C2orf49: variants seen among roughly 807,000 people sequenced by gnomAD.
C2orf49 encodes tRNA-splicing ligase complex subunit ASW.
C2orf49 carries 11 observed loss-of-function variants against 20.6 expected under a neutral mutation model. That is an observed-to-expected ratio of 0.53 (90% CI 0.34 to 0.88). The LOEUF is 0.88. C2orf49 is among the 40% of genes least tolerant of loss of function. The pLI is 0.02. For missense variants in C2orf49, 289 were observed against 274.2 expected (o/e 1.05, Z -0.38); for synonymous variants, 134 against 108.5 (o/e 1.24, Z -1.46).
chr2:105,368,533 T>C, the C2orf49 span, among the ~76,000 whole-genome samples: 1 of 152,148 alleles, frequency 6.6e-6, no homozygotes, highest in Non-Finnish European at 1.5e-5. Context: ...ATTTAGTAAT[T>C]GCCTAAACCT....
the C2orf49 span, among the ~76,000 whole-genome samples, chr2:105,370,523 G>T: frequency 4.6e-5 from 7 of 152,294 alleles, no homozygotes; most frequent in East Asian, 1.9e-4. Context: ...CAGCACTGGG[G>T]TTACTGATGG....
the C2orf49 span, among the ~76,000 whole-genome samples, chr2:105,379,159 G>A: frequency 6.6e-6 from 1 of 152,164 alleles, no homozygotes; most frequent in African/African-American, 2.4e-5. Flanking sequence ...ATCACCATTG[G>A]GAAGTAATTG....
the C2orf49 span, among the ~76,000 whole-genome samples, chr2:105,371,375 A>G: frequency 6.6e-6 from 1 of 152,098 alleles, no homozygotes; most frequent in Non-Finnish European, 1.5e-5. Context: ...AATTCTTCTC[A>G]AGACTGCAAT....
At position 105,342,938 on chromosome 2, in the gene C2orf49, G is replaced by A. The variant is rs774752002; in HGVS notation, c.357G>A (p.Glu119=). 2 of 1,614,194 alleles carry A rather than the reference G, an allele frequency of 1.2e-6. No homozygotes were observed. The highest frequency in any genetic ancestry group is 1.7e-6 in the Non-Finnish European group (2 of 1,180,040). Residue 119 remains glutamate, a synonymous_variant, in exon 3 of 4, where the codon GAG becomes GAA. Transcript: ENST00000258457. The part of the protein sequence containing the change: ...TSTSIKVKKT[E]NGDNDRLKPP... Reference sequence around the variant, plus strand: ...CAAGCATAAAAGTGAAAAAGACAGAGAATGGAGATAATGATCGACTGAAGC... The same window carrying A: ...CAAGCATAAAAGTGAAAAAGACAGAAAATGGAGATAATGATCGACTGAAGC...
downstream of C2orf49, among the ~76,000 whole-genome samples, chr2:105,352,242 A>G (rs1679951956): frequency 6.6e-6 from 1 of 152,142 alleles, no homozygotes; most frequent in Non-Finnish European, 1.5e-5. Context: ...AGATAGTTTC[A>G]CAGTTTTGTT....
the C2orf49 span, chr2:105,363,497 T>C: frequency 6.4e-7 from 1 of 1,574,268 alleles, no homozygotes; most frequent in African/African-American, 1.3e-5. Context: ...GGAGAGTTAG[T>C]GTGGCCTCTG....
Position 105,343,143 on chromosome 2 carries a change from A to T in C2orf49, c.562A>T (p.Lys188Ter). The change falls in exon 3 of 4, where the codon AAG (lysine) becomes TAG (stop). Residue 188 changes from lysine to a stop codon, truncating the protein, a stop_gained. Coordinates refer to ENST00000258457, the MANE Select transcript of C2orf49 (RefSeq NM_024093.3). LOFTEE classifies it high-confidence loss of function. ...THRKSPSGPV[K>*]SPPLSPVGTT... Reference sequence around the variant, plus strand: ...TAGGAAAAGTCCTTCAGGCCCTGTGAAGTCGCCACCATTGTCCCCTGTTGG... The same window carrying T: ...TAGGAAAAGTCCTTCAGGCCCTGTGTAGTCGCCACCATTGTCCCCTGTTGG... The T allele has an allele frequency of 3.1e-6, 5 of 1,614,196 alleles. No homozygotes were observed. The highest frequency in any genetic ancestry group is 4.2e-6 in the Non-Finnish European group (5 of 1,180,038).
Position 105,345,373 on chromosome 2 carries a change from GAA to G in C2orf49, c.*5_*6del, listed in dbSNP as rs772751149. 2.4e-5 allele frequency: 38 copies of G among 1,610,970 alleles called. No individual in the cohort carries two copies. Among genetic ancestry groups the G allele is most frequent in the South Asian group, 1.1e-5 (1 of 90,354 alleles). Reference sequence around the variant, plus strand: ...ATACAACATGTTACTTGGCCCTGAAGAAAAGTTTCCAAAAATGTAAATATACT... The same window carrying G: ...ATACAACATGTTACTTGGCCCTGAAGAAGTTTCCAAAAATGTAAATATACT... On this transcript the variant is annotated 3_prime_UTR_variant, in exon 4 of 4. Coordinates refer to ENST00000258457, the MANE Select transcript of C2orf49 (RefSeq NM_024093.3).
chr2:105,354,308 A>G, the C2orf49 span, among the ~76,000 whole-genome samples: 1 of 152,162 alleles, frequency 6.6e-6, no homozygotes, highest in African/African-American at 2.4e-5. Context: ...TGTTTCTTTG[A>G]CTTACTTCAG....
chr2:105,360,014 A>C, the C2orf49 span: 1 of 152,402 alleles, frequency 6.6e-6, no homozygotes, highest in South Asian at 2.1e-4. Flanking sequence ...TGGGAAAGAC[A>C]GAGAAGGTAG....
intron 2 of C2orf49, among the ~76,000 whole-genome samples, chr2:105,340,262 T>C (rs546296053): frequency 5.9e-5 from 9 of 152,348 alleles, no homozygotes; most frequent in Admixed American, 3.9e-4. Context: ...GGACTTTGGC[T>C]GTACTCAGAT....
chr2:105,376,255 G>A, the C2orf49 span: 4 of 152,300 alleles, frequency 2.6e-5, no homozygotes, highest in African/African-American at 4.8e-5. Flanking sequence ...CTCCTGATGC[G>A]AAAGTTATTT....
intron 3 of C2orf49, among the ~76,000 whole-genome samples, chr2:105,344,930 T>C (rs1034702052): frequency 2.0e-5 from 3 of 152,110 alleles, no homozygotes; most frequent in African/African-American, 4.8e-5. Flanking sequence ...GGAGATAGGC[T>C]GGACAGGGAG....
chr2:105,385,568 C>A, the C2orf49 span, among the ~76,000 whole-genome samples: 1 of 152,200 alleles, frequency 6.6e-6, no homozygotes, highest in Non-Finnish European at 1.5e-5. Context: ...CATTTTGTAG[C>A]CAGTTTCACG....
intron 2 of C2orf49, 50 bp downstream of exon 2, chr2:105,339,799 A>AGT: frequency 4.2e-6 from 6 of 1,425,830 alleles, no homozygotes; most frequent in Non-Finnish European, 5.6e-6. Flanking sequence ...AACTAAAGTT[A>AGT]TATATAAGTT....
At chr2:105,360,323 A>T in the C2orf49 span, 1 of 136,102 alleles carries the variant, frequency 7.3e-6, no homozygotes, top group Non-Finnish European at 1.6e-5. Flanking sequence ...AAAAAAAGGG[A>T]GAGAAGGTAG....
At position 105,346,685 on chromosome 2, in the gene C2orf49, A is replaced by G. The variant is rs146649522; in HGVS notation, c.*1314A>G. ...AGCTACTGGAGTCAGAAGTCACTGC[A>G]GAGTGCAACATAGGAAGATGGACTC... is the stretch of plus-strand genomic sequence containing the variant. On this transcript the variant is annotated 3_prime_UTR_variant, in exon 4 of 4. Transcript: ENST00000258457. The G allele has an allele frequency of 3.9e-5, 6 of 152,364 alleles. No individual in the cohort carries two copies. The highest frequency in any genetic ancestry group is 7.3e-5 in the Non-Finnish European group (5 of 68,034). 9.4% of individuals were successfully genotyped at this position (152,364 alleles called of 1,614,324 possible).
At chr2:105,344,467 A>T (rs1212655677) in intron 3 of C2orf49, among the ~76,000 whole-genome samples, 2 of 152,018 alleles carry the variant, frequency 1.3e-5, no homozygotes, top group East Asian at 1.9e-4. Context: ...AGAGAGAGAG[A>T]GTGTGAGAGA....
At chr2:105,372,043 C>T in the C2orf49 span, among the ~76,000 whole-genome samples, 12 of 152,254 alleles carry the variant, frequency 7.9e-5, no homozygotes, top group African/African-American at 2.9e-4. Context: ...AGCTGTTTTC[C>T]CTTACAGCTG....
Sources: gnomAD v4.1 joint callset for allele counts (sites outside exome capture counted in the v4.1 genomes callset) on GRCh38, gnomAD v4.1.1 for gene constraint, MANE v1.5 for transcripts, NCBI Gene and HGNC (gene_info 2026-07-23, HGNC 2026-07-21) for gene names.